KDM6B: variants seen among roughly 807,000 people sequenced by gnomAD.
KDM6B encodes the protein lysine demethylase 6B.
Under a neutral mutation model 150.4 loss-of-function variants are expected in KDM6B, and 22 were observed. The ratio of observed to expected loss-of-function variants is 0.15; its 90% CI spans 0.10 to 0.21. The LOEUF (loss-of-function observed/expected upper bound fraction) is 0.21. KDM6B is among the 10% of genes least tolerant of loss of function. The pLI is 1.00. For missense variants in KDM6B, 1,984 were observed against 2,234.3 expected, an observed-to-expected ratio of 0.89 and a Z score of 2.26; for synonymous variants, 1,148 against 921.1, an observed-to-expected ratio of 1.25 and a Z score of -4.46.
intron 1 of KDM6B, among the ~76,000 whole-genome samples, chr17:7,834,943 A>C (rs931560068): frequency 8.0e-6 from 1 of 124,750 alleles, no homozygotes; most frequent in South Asian, 2.6e-4. Context: ...TCCTTCTCCC[A>C]CTCCGCCGTT....
intron 1 of KDM6B, among the ~76,000 whole-genome samples, chr17:7,836,324 C>T (rs1003651094): frequency 1.3e-5 from 2 of 152,244 alleles, no homozygotes; most frequent in Non-Finnish European, 2.9e-5. Context: ...GGCTGTCTGT[C>T]CCTGTCTCCA....
Position 7,853,290 on chromosome 17 carries a change from C to T in KDM6B, c.4818C>T (p.Ala1606=). The T allele has an allele frequency of 6.2e-7, 1 of 1,606,046 alleles. No individual in the cohort carries two copies. Among genetic ancestry groups the T allele is most frequent in the Non-Finnish European group, 8.5e-7 (1 of 1,176,934 alleles). The change falls in exon 23 of 24, where the codon GCC becomes GCT. Residue 1606 remains alanine, a synonymous_variant. Transcript: ENST00000448097. ...NTYLVHCEGC[A]RRRSAGLQGV... is the part of the protein sequence containing the mutation. Reference sequence around the variant, plus strand: ...ACCTGGTACACTGCGAGGGCTGTGCCCGGCGCCGCAGCGCAGGCCTGCAGG... The same window carrying T: ...ACCTGGTACACTGCGAGGGCTGTGCTCGGCGCCGCAGCGCAGGCCTGCAGG...
At position 7,849,962 on chromosome 17, in the gene KDM6B, T is replaced by TG. The variant is rs776145003; in HGVS notation, c.3567+17dup. The TG allele has an allele frequency of 6.2e-7, 1 of 1,613,604 alleles. No homozygotes were observed. Among genetic ancestry groups the TG allele is most frequent in the Non-Finnish European group, 8.5e-7 (1 of 1,180,028 alleles). ...CCAGCATCTATGTATGTGTGCCACT[T>TG]GGCCTCAGAACCACCCCTGCCAGAG... On this transcript the variant is annotated intron_variant, in intron 13 of 23. Coordinates refer to ENST00000448097, the MANE Select transcript of KDM6B (RefSeq NM_001348716.2).
Position 7,846,837 on chromosome 17 carries a change from C to G in KDM6B, c.730C>G (p.Leu244Val). ...CTCCTAGACTGGCCTTCCCCCAGGG[C>G]TGCCACTGCCTCCACCACCATTACC... ...NSEQTGLPPG[L>V]PLPPPPLPPP... Residue 244 changes from leucine to valine, a missense_variant, in exon 10 of 24, where the codon CTG becomes GTG. Around this residue, in one of 13 missense-constraint regions of KDM6B, gnomAD observed 337 missense variants for 323.9 expected, o/e 1.04. Transcript: ENST00000448097. The G allele has an allele frequency of 6.2e-7, 1 of 1,609,884 alleles. No homozygotes were observed. The highest frequency in any genetic ancestry group is 8.5e-7 in the Non-Finnish European group (1 of 1,179,414).
At chr17:7,841,989 T>C (rs542153065) in intron 2 of KDM6B, among the ~76,000 whole-genome samples, 22 of 152,306 alleles carry the variant, frequency 1.4e-4, no homozygotes, top group Admixed American at 5.9e-4. Context: ...ACGAGGGTCC[T>C]GGACCGCCCC....
chr17:7,846,848 TCCACCACCATTACCACCACCA>T lies in KDM6B; in HGVS notation c.751_771del (p.Leu251_Pro257del), dbSNP rs2078552194. Reference sequence around the variant, plus strand: ...GCCTTCCCCCAGGGCTGCCACTGCCTCCACCACCATTACCACCACCACCACCACCACCACCACCACCACCAC... The same window carrying T: ...GCCTTCCCCCAGGGCTGCCACTGCCTCCACCACCACCACCACCACCACCAC... On this transcript the variant is annotated inframe_deletion, in exon 10 of 24. Coordinates refer to ENST00000448097, the MANE Select transcript of KDM6B (RefSeq NM_001348716.2). 2.5e-6 allele frequency: 4 copies of T among 1,584,572 alleles called. No homozygotes were observed. The highest frequency in any genetic ancestry group is 1.1e-5 in the South Asian group (1 of 90,188).
In KDM6B at chr17:7,847,420, G is replaced by A. The variant is rs1404204542; in HGVS notation, c.1225G>A (p.Gly409Ser). Residue 409 changes from glycine to serine, a missense_variant, in exon 11 of 24, where the codon GGT (glycine) becomes AGT (serine). By Grantham distance (56) the Gly-to-Ser change is moderately conservative. This residue lies in a region of KDM6B where 1,379 missense variants were observed against 1,275.6 expected (regional missense o/e 1.08). Transcript: ENST00000448097. ...CAGCAGTAGCAGCAGCAGCAACACT[G>A]GTCTCCGGGGCGTGGAGCCGAACCC... is the stretch of plus-strand genomic sequence containing the variant. ...SSSSSSSSNT[G>S]LRGVEPNPGI... 9.9e-6 allele frequency: 16 copies of A among 1,613,482 alleles called. No homozygotes were observed. Among genetic ancestry groups the A allele is most frequent in the African/African-American group, 1.3e-5 (1 of 74,916 alleles).
chr17:7,845,514 C>T (rs372417886), intron 4 of KDM6B, 36 bp from the exon 5 acceptor site: 34 of 1,613,602 alleles, frequency 2.1e-5, no homozygotes, highest in Middle Eastern at 3.3e-4. Flanking sequence ...CTGGTTTTGC[C>T]TCCAGTAAGA....
At chr17:7,852,949 C>G in intron 21 of KDM6B, 51 bp from the exon 22 acceptor site, 1 of 1,612,520 alleles carries the variant, frequency 6.2e-7, no homozygotes, top group Non-Finnish European at 8.5e-7. Context: ...CCAGCCCTGC[C>G]TCAGGCCTCC....
At chr17:7,849,978 C>G (rs765741901) in intron 13 of KDM6B, 31 bp downstream of exon 13, 11 of 1,613,590 alleles carry the variant, frequency 6.8e-6, no homozygotes, top group Non-Finnish European at 9.3e-6. Flanking sequence ...CAGAACCACC[C>G]CTGCCAGAGG....
In KDM6B at chr17:7,848,957, C is replaced by T. The variant is rs528881783; in HGVS notation, c.2669C>T (p.Pro890Leu). 6.5e-5 allele frequency: 103 copies of T among 1,583,968 alleles called. No homozygotes were observed. In the East Asian group the frequency reaches 6.8e-4, roughly 10 times the overall value. Reference sequence around the variant, plus strand: ...CGCAGGGCGGGCGAAGAGCCAGTCCCGGGCCCCATGACCCCCACCCAACCG... The same window carrying T: ...CGCAGGGCGGGCGAAGAGCCAGTCCTGGGCCCCATGACCCCCACCCAACCG... The part of the protein sequence containing the change: ...RERRAGEEPV[P>L]GPMTPTQPPP... The change falls in exon 12 of 24, where the codon CCG becomes CTG. Residue 890 changes from proline to leucine, a missense_variant. By Grantham distance (98) the Pro-to-Leu change is moderately conservative. Coordinates refer to ENST00000448097, the MANE Select transcript of KDM6B (RefSeq NM_001348716.2).
rs769382621 is a variant in KDM6B, at chr17:7,849,466, G to T, written c.3178G>T (p.Ala1060Ser). 4 of 1,612,698 alleles carry T rather than the reference G, an allele frequency of 2.5e-6. No individual in the cohort carries two copies. The Admixed American group carries it at 6.7e-5, about 27-fold the overall frequency. The change falls in exon 12 of 24, where the codon GCC (alanine) becomes TCC (serine). Residue 1060 changes from alanine to serine, a missense_variant. Ala to Ser is a moderately conservative substitution (Grantham distance 99). Coordinates refer to ENST00000448097, the MANE Select transcript of KDM6B (RefSeq NM_001348716.2). ...CCCTCCATCAGCTCCTGCACCTTCT[G>T]CCCAGCCCACACCCCCGTCAGCCTC... ...PAPPSAPAPS[A>S]QPTPPSASVP...
intron 1 of KDM6B, among the ~76,000 whole-genome samples, chr17:7,836,370 T>C (rs915086033): frequency 1.3e-5 from 2 of 152,150 alleles, no homozygotes; most frequent in Admixed American, 1.3e-4. Context: ...TATATAACTC[T>C]TCCTCTCGCC....
In KDM6B at chr17:7,849,481, C is replaced by T. The variant is rs2078646127; in HGVS notation, c.3193C>T (p.Pro1065Ser). 2.5e-6 allele frequency: 4 copies of T among 1,612,814 alleles called. No homozygotes were observed. The highest frequency in any genetic ancestry group is 3.4e-6 in the Non-Finnish European group (4 of 1,179,918). ...TGCACCTTCTGCCCAGCCCACACCC[C>T]CGTCAGCCTCTGTCCCTGGAAAGAA... is the stretch of plus-strand genomic sequence containing the variant. ...APAPSAQPTP[P>S]SASVPGKKAR... The change falls in exon 12 of 24, where the codon CCG (proline) becomes TCG (serine). Residue 1065 changes from proline (P) to serine (S), a missense_variant. Physicochemically the swap from Pro to Ser is moderately conservative, Grantham distance 74 (BLOSUM62 -1). Coordinates refer to ENST00000448097, the MANE Select transcript of KDM6B (RefSeq NM_001348716.2).
chr17:7,848,550 C>T lies in KDM6B; in HGVS notation c.2262C>T (p.Thr754=), dbSNP rs750102362. The T allele has an allele frequency of 6.3e-6, 10 of 1,584,918 alleles. No individual in the cohort carries two copies. In the South Asian group the frequency reaches 1.0e-4, roughly 16 times the overall value. ...TTAPAVAVTT[T]TTTTTTTTAT... ...CTCCTGCTGTCGCCGTCACCACCAC[C>T]ACCACCACCACCACCACCACCACGG... Residue 754 remains threonine (T), a synonymous_variant, in exon 12 of 24, where the codon ACC becomes ACT. Transcript: ENST00000448097.
chr17:7,837,589 C>A (rs2078351452), intron 1 of KDM6B, among the ~76,000 whole-genome samples: 1 of 152,178 alleles, frequency 6.6e-6, no homozygotes, highest in Non-Finnish European at 1.5e-5. Context: ...GATTCTAATT[C>A]TAGCTCTGTC....
chr17:7,846,371 G>GGGGCGGGCCCGGGGGCCCCCCC, intron 7 of KDM6B, 29 bp from the exon 8 acceptor site: 2 of 1,488,920 alleles, frequency 1.3e-6, no homozygotes, highest in Non-Finnish European at 1.8e-6. Flanking sequence ...CCTGACATCT[G>GGGGCGGGCCCGGGGGCCCCCCC]CCCCTGCCCC....
rs879255353 is a variant in KDM6B at position 7,848,479 on chromosome 17, T to G, written c.2191T>G (p.Ser731Ala). Residue 731 changes from serine (S) to alanine (A), a missense_variant, in exon 12 of 24, where the codon TCT becomes GCT. Coordinates refer to ENST00000448097, the MANE Select transcript of KDM6B (RefSeq NM_001348716.2). ...ACCCCCGCTGAAGGAGCCCTTTGCA[T>G]CTCTGCAGTCTCCTTTCCCCACCGA... is the stretch of plus-strand genomic sequence containing the variant. Reference protein sequence around the residue: ...PQPPLKEPFASLQSPFPTDTA... With the variant: ...PQPPLKEPFAALQSPFPTDTA... 21 of 1,607,026 alleles carry G rather than the reference T, an allele frequency of 1.3e-5. No homozygotes were observed. The highest frequency in any genetic ancestry group is 1.8e-5 in the Non-Finnish European group (21 of 1,178,946).
At chr17:7,852,788 C>A (rs1452695729) in intron 21 of KDM6B, 152 bp downstream of exon 21, 3 of 1,281,536 alleles carry the variant, frequency 2.3e-6, no homozygotes, top group African/African-American at 1.5e-5. Context: ...TAGGTCCTTG[C>A]TGTCATGACC....
Sources: gnomAD v4.1 joint callset for allele counts (sites outside exome capture counted in the v4.1 genomes callset) on GRCh38, gnomAD v4.1.1 for gene constraint, gnomAD v4.1.1 regional missense constraint, MANE v1.5 for transcripts, NCBI Gene and HGNC (gene_info 2026-07-23, HGNC 2026-07-21) for gene names.